SKAP1: variants seen among roughly 807,000 people sequenced by gnomAD.
SKAP1 encodes the protein src kinase associated phosphoprotein 1, also known as src kinase-associated phosphoprotein 1.
In SKAP1, 44 loss-of-function variants were observed where a neutral mutation model predicts 58.5. The observed-to-expected ratio is 0.75, with a 90% CI of 0.59 to 0.97. The LOEUF is 0.97. SKAP1 is among the 50% of genes least tolerant of loss of function. SKAP1 has a pLI of 0.00. For synonymous variants in SKAP1, 127 were observed against 149.7 expected (o/e 0.85, Z 1.11); for missense variants, 390 against 435.2 (o/e 0.90, Z 0.92).
At chr17:48,361,045 G>C (rs917078145) in intron 3 of SKAP1, among the ~76,000 whole-genome samples, 2 of 150,874 alleles carry the variant, frequency 1.3e-5, no homozygotes, top group Non-Finnish European at 2.9e-5. Context: ...AAATTAGATA[G>C]TGGTGATGGT....
chr17:48,140,260 C>T (rs901751180), intron 11 of SKAP1, among the ~76,000 whole-genome samples: 5 of 152,228 alleles, frequency 3.3e-5, no homozygotes, highest in Admixed American at 2.0e-4. Flanking sequence ...CTTACTTGAT[C>T]TCTCAGCAGT....
intron 1 of SKAP1, among the ~76,000 whole-genome samples, chr17:48,408,943 C>T (rs1598670000): frequency 1.3e-5 from 2 of 152,208 alleles, no homozygotes; most frequent in East Asian, 1.9e-4. Context: ...CAAGTTCCCT[C>T]GATAGGTCAC....
chr17:48,204,939 T>C (rs888396801), intron 4 of SKAP1, among the ~76,000 whole-genome samples: 25 of 148,210 alleles, frequency 1.7e-4, no homozygotes, highest in African/African-American at 5.3e-4. Flanking sequence ...CTTCCTTCCT[T>C]CCTCCCTCCC....
chr17:48,364,399 G>A (rs1023622926), intron 2 of SKAP1, among the ~76,000 whole-genome samples: 5 of 152,156 alleles, frequency 3.3e-5, no homozygotes, highest in African/African-American at 7.2e-5. Context: ...AACATGGGCC[G>A]GGTGTGGTGG....
At chr17:48,367,515 T>C (rs1425614081) in intron 2 of SKAP1, among the ~76,000 whole-genome samples, 2 of 141,976 alleles carry the variant, frequency 1.4e-5, no homozygotes, top group African/African-American at 5.3e-5. Context: ...CATGTATATG[T>C]GTGTGTATAT....
At chr17:48,237,107 C>T (rs984133467) in intron 4 of SKAP1, among the ~76,000 whole-genome samples, 3 of 152,166 alleles carry the variant, frequency 2.0e-5, no homozygotes, top group Admixed American at 6.5e-5. Flanking sequence ...CAGAAACCAT[C>T]CACTTACTTG....
intron 4 of SKAP1, among the ~76,000 whole-genome samples, chr17:48,204,985 C>CT (rs1246678466): frequency 0.057 from 2,998 of 52,416 alleles, 126 homozygotes; most frequent in African/African-American, 0.19. Flanking sequence ...TTCTTTCTTT[C>CT]TTTCTTTCTT....
chr17:48,311,062 A>T (rs2066217556), intron 4 of SKAP1, among the ~76,000 whole-genome samples: 1 of 151,966 alleles, frequency 6.6e-6, no homozygotes, highest in Non-Finnish European at 1.5e-5. Flanking sequence ...GAGTAAATGC[A>T]TGTGCACGGT....
chr17:48,332,438 A>G (rs1434488013), intron 4 of SKAP1, among the ~76,000 whole-genome samples: 2 of 152,300 alleles, frequency 1.3e-5, no homozygotes, highest in African/African-American at 2.4e-5. Context: ...TTAGACGATA[A>G]CATAAAATAT....
intron 1 of SKAP1, among the ~76,000 whole-genome samples, chr17:48,422,937 CAGAG>C (rs2067813220): frequency 6.6e-6 from 1 of 151,942 alleles, no homozygotes; most frequent in African/African-American, 2.4e-5. Flanking sequence ...AAAGATGAAA[CAGAG>C]AGAGCATATC....
At chr17:48,177,521 A>C (rs2064307134) in intron 9 of SKAP1, among the ~76,000 whole-genome samples, 1 of 152,146 alleles carries the variant, frequency 6.6e-6, no homozygotes, top group Non-Finnish European at 1.5e-5. Context: ...GAGCAAATCC[A>C]TCCTGATTTA....
chr17:48,367,536 G>GTATATATATATATGGATATATATCTA (rs2067021236), intron 2 of SKAP1, among the ~76,000 whole-genome samples: 1 of 135,602 alleles, frequency 7.4e-6, no homozygotes, highest in Admixed American at 7.6e-5. Context: ...GTATGTGTGT[G>GTATATATATATATGGATATATATCTA]TATATATATA....
intron 4 of SKAP1, among the ~76,000 whole-genome samples, chr17:48,336,415 C>T (rs1309551923): frequency 6.6e-6 from 1 of 152,016 alleles, no homozygotes; most frequent in East Asian, 1.9e-4. Context: ...GGAAGTATGA[C>T]AGGGGCAGAG....
At chr17:48,425,641 T>G (rs2067847376) in intron 1 of SKAP1, among the ~76,000 whole-genome samples, 1 of 152,166 alleles carries the variant, frequency 6.6e-6, no homozygotes. Flanking sequence ...AGCCCACACT[T>G]AAAGGTGTGG....
chr17:48,212,803 C>T (rs1038181689), intron 4 of SKAP1, among the ~76,000 whole-genome samples: 3 of 152,134 alleles, frequency 2.0e-5, no homozygotes, highest in Admixed American at 6.6e-5. Context: ...CTCATTTGTC[C>T]AGCTCATTGA....
chr17:48,324,625 T>C (rs2066408990), intron 4 of SKAP1, among the ~76,000 whole-genome samples: 1 of 152,078 alleles, frequency 6.6e-6, no homozygotes, highest in East Asian at 1.9e-4. Context: ...AACACCACTT[T>C]TAGTGGTTGC....
chr17:48,330,229 A>AT (rs2066488002), intron 4 of SKAP1, among the ~76,000 whole-genome samples: 1 of 152,110 alleles, frequency 6.6e-6, no homozygotes, highest in Non-Finnish European at 1.5e-5. Context: ...CCAGTTAATT[A>AT]TTTTTTTAAT....
chr17:48,274,208 A>G (rs4794557), intron 4 of SKAP1, among the ~76,000 whole-genome samples: 2,685 of 152,128 alleles, frequency 0.018, 71 homozygotes, highest in African/African-American at 0.059. Context: ...CAGCCTGACC[A>G]ACATGGAGAA....
At chr17:48,163,512 C>A (rs372326155) in intron 10 of SKAP1, among the ~76,000 whole-genome samples, 1 of 152,154 alleles carries the variant, frequency 6.6e-6, no homozygotes, top group South Asian at 2.1e-4. Flanking sequence ...CCCACTAGAC[C>A]AGGCATGCTC....
Sources: gnomAD v4.1 joint callset for allele counts (sites outside exome capture counted in the v4.1 genomes callset) on GRCh38, gnomAD v4.1.1 for gene constraint, MANE v1.5 for transcripts, NCBI Gene and HGNC (gene_info 2026-07-23, HGNC 2026-07-21) for gene names.